Variants in PIEZO2 observed in about 807,000 individuals in gnomAD.
PIEZO2 encodes piezo type mechanosensitive ion channel component 2, also known as piezo-type mechanosensitive ion channel component 2.
A neutral mutation model predicts 337.3 loss-of-function variants in PIEZO2; 172 were observed. The observed-to-expected ratio is 0.51, with a 90% CI of 0.45 to 0.58. The LOEUF is 0.58. Among genes scored for constraint, PIEZO2 ranks in the 20% least tolerant of loss-of-function variants. The pLI is 0.00. For missense variants in PIEZO2, 3,028 were observed against 3,391.3 expected (o/e 0.89, Z 2.66); for synonymous variants, 1,251 against 1,228.5 (o/e 1.02, Z -0.38).
intron 1 of PIEZO2, among the ~76,000 whole-genome samples, chr18:11,139,482 G>A (rs949665296): frequency 2.6e-5 from 4 of 151,892 alleles, no homozygotes; most frequent in African/African-American, 4.8e-5. Context: ...ATATTATGAC[G>A]CCCTAATAAA....
intron 27 of PIEZO2, among the ~76,000 whole-genome samples, chr18:10,756,006 GAGAATGA>G (rs2037826829): frequency 1.1e-5 from 1 of 94,834 alleles, no homozygotes; most frequent in Non-Finnish European, 2.7e-5. Flanking sequence ...AGGAGGGATG[GAGAATGA>G]GGAGGAGGGA....
chr18:10,787,631 A>G (rs1426012732), intron 15 of PIEZO2, among the ~76,000 whole-genome samples: 2 of 152,244 alleles, frequency 1.3e-5, no homozygotes, highest in Non-Finnish European at 2.9e-5. Context: ...CAGAAAAAAG[A>G]CATCTCGTTT....
rs1015857498 is a variant in PIEZO2, at chr18:10,861,647, A to C, written c.493-4436T>G. On this transcript the variant is annotated intron_variant, in intron 5 of 55. Transcript: ENST00000674853. The surrounding 1 kb of genome is among the most constrained non-coding windows in gnomAD (Gnocchi z 4.3). ...AGGGCAGATGCTGATCAAGGGGTACAAAATTTCACTTAGACATGAAGAATG... is the reference window on the plus strand; with the variant it reads ...AGGGCAGATGCTGATCAAGGGGTACCAAATTTCACTTAGACATGAAGAATG... Among the ~76,000 whole-genome samples the C allele has an allele frequency of 6.6e-6, 1 of 152,250 alleles. No individual in the cohort carries two copies. Among genetic ancestry groups the C allele is most frequent in the Non-Finnish European group, 1.5e-5 (1 of 68,046 alleles).
chr18:10,799,150 C>T (rs553777207), intron 11 of PIEZO2, among the ~76,000 whole-genome samples: 36 of 152,240 alleles, frequency 2.4e-4, no homozygotes, highest in Admixed American at 1.0e-3. Context: ...AAGAGTTATG[C>T]GAAAAGGCCC....
At chr18:11,040,420 A>G (rs570396939) in intron 2 of PIEZO2, among the ~76,000 whole-genome samples, 1 of 152,338 alleles carries the variant, frequency 6.6e-6, no homozygotes, top group South Asian at 2.1e-4. Flanking sequence ...ATTGATCAGA[A>G]CATAATCAGG....
intron 1 of PIEZO2, among the ~76,000 whole-genome samples, chr18:11,141,770 A>G (rs1336736616): frequency 6.6e-6 from 1 of 152,100 alleles, no homozygotes; most frequent in Non-Finnish European, 1.5e-5. Flanking sequence ...TGGGGTGGAG[A>G]GTTCAGAGTT....
At chr18:10,890,491 G>T (rs141117047) in intron 4 of PIEZO2, 4 of 152,218 alleles carry the variant, frequency 2.6e-5, no homozygotes, top group African/African-American at 9.6e-5. Context: ...GTTCAGCATG[G>T]CTGGGGAGGC....
rs2039304518 is a variant in PIEZO2 at position 11,097,922 on chromosome 18, T to A, written c.65-31700A>T. ...TGTGAGGCTTTTATTTTTCACCTCATAGTCTTCCATACTATGATTTTGAAG... is the reference window on the plus strand; with the variant it reads ...TGTGAGGCTTTTATTTTTCACCTCAAAGTCTTCCATACTATGATTTTGAAG... On this transcript the variant is annotated intron_variant, in intron 1 of 55. Transcript: ENST00000674853. This position sits in a 1 kb window ranked among gnomAD's most constrained non-coding sequence, Gnocchi z 5.0. 6.6e-6 allele frequency among the ~76,000 whole-genome samples: 1 copy of A among 152,228 alleles called. No homozygotes were observed. The highest frequency in any genetic ancestry group is 1.5e-5 in the Non-Finnish European group (1 of 68,028).
rs570282218 is a variant in PIEZO2 at position 11,028,854 on chromosome 18, A to T, written c.160+37273T>A. Among the ~76,000 whole-genome samples the T allele has an allele frequency of 6.6e-6, 1 of 152,292 alleles. No homozygotes were observed. Among genetic ancestry groups the T allele is most frequent in the South Asian group, 2.1e-4 (1 of 4,822 alleles). On this transcript the variant is annotated intron_variant, in intron 2 of 55. Coordinates refer to ENST00000674853, the MANE Select transcript of PIEZO2 (RefSeq NM_001378183.1). This position sits in a 1 kb window ranked among gnomAD's most constrained non-coding sequence, Gnocchi z 4.8. ...ATACCTATTGACTCACTTCTTCAGC[A>T]AATATTCATCAATTGCCCTGTGCCA...
intron 30 of PIEZO2, among the ~76,000 whole-genome samples, chr18:10,747,196 ACT>A (rs1395235812): frequency 2.0e-5 from 3 of 152,208 alleles, no homozygotes; most frequent in African/African-American, 7.2e-5. Flanking sequence ...CATTGTGACA[ACT>A]TTGGGAAAAA....
intron 45 of PIEZO2, among the ~76,000 whole-genome samples, chr18:10,697,329 TG>T (rs1466484195): frequency 6.6e-6 from 1 of 152,142 alleles, no homozygotes; most frequent in Non-Finnish European, 1.5e-5. Context: ...TGTAGTGTGC[TG>T]GGTAACAGGT....
At chr18:10,842,432 G>A (rs2144613818) in intron 7 of PIEZO2, among the ~76,000 whole-genome samples, 1 of 152,218 alleles carries the variant, frequency 6.6e-6, no homozygotes, top group Non-Finnish European at 1.5e-5. Flanking sequence ...AGGGAAAGTG[G>A]GTGAGTTCTT....
Position 10,670,852 on chromosome 18 carries a change from C to G in PIEZO2, c.*675G>C, listed in dbSNP as rs1325455729. On this transcript the variant is annotated 3_prime_UTR_variant, in exon 56 of 56. Coordinates refer to ENST00000674853, the MANE Select transcript of PIEZO2 (RefSeq NM_001378183.1). The stretch of plus-strand genomic sequence containing the variant: ...GGTGTACACATCATTTGTTTTGCTC[C>G]TTTTTTTTTTTTTTCCTGAGAAGTC... 2.1e-5 allele frequency: 3 copies of G among 142,962 alleles called. No homozygotes were observed. The highest frequency in any genetic ancestry group is 1.4e-4 in the Admixed American group (2 of 14,200). The allele number at this position is 142,962 out of a possible 1,614,324, so 8.9% of individuals were successfully genotyped here.
Position 10,773,402 on chromosome 18 carries a change from G to C in PIEZO2, c.2785+10C>G. The stretch of plus-strand genomic sequence containing the variant: ...GTTCTCTGACCAGCTGCTGGTAGTG[G>C]GCTGATTACCTGATGTTTCTTCCTC... On this transcript the variant is annotated intron_variant, in intron 20 of 55. Transcript: ENST00000674853. This position sits in a 1 kb window ranked among gnomAD's most constrained non-coding sequence, Gnocchi z 5.3. 3 of 1,537,000 alleles carry C rather than the reference G, an allele frequency of 2.0e-6. No homozygotes were observed. Among genetic ancestry groups the C allele is most frequent in the Non-Finnish European group, 2.6e-6 (3 of 1,146,720 alleles).
At chr18:10,882,834 C>CTTTT (rs745618117) in intron 4 of PIEZO2, among the ~76,000 whole-genome samples, 1,682 of 109,574 alleles carry the variant, frequency 0.015, 104 homozygotes, top group East Asian at 0.02. Flanking sequence ...ACCACATTTT[C>CTTTT]TTTTTTTCTT....
intron 5 of PIEZO2, among the ~76,000 whole-genome samples, chr18:10,869,537 G>A (rs1052983383): frequency 6.6e-6 from 1 of 152,192 alleles, no homozygotes; most frequent in Non-Finnish European, 1.5e-5. Flanking sequence ...TCTGAAGAAT[G>A]TGAGTTACTG....
At chr18:10,722,164 A>AT (rs2036341380) in intron 36 of PIEZO2, among the ~76,000 whole-genome samples, 1 of 150,932 alleles carries the variant, frequency 6.6e-6, no homozygotes, top group Non-Finnish European at 1.5e-5. Context: ...AAAAAAAAAA[A>AT]AATTAAGATG....
chr18:10,700,460 T>C (rs1237074622), intron 43 of PIEZO2, among the ~76,000 whole-genome samples: 1 of 151,960 alleles, frequency 6.6e-6, no homozygotes. Flanking sequence ...TCAAATCTCA[T>C]ATACATTCAT....
chr18:11,035,321 C>CTCTCTCTCTCTCTT lies in PIEZO2; in HGVS notation c.160+30792_160+30805dup, dbSNP rs1195544110. ...GCACCTTCTCTCTCTCTCCCTCTCTCTCTCTCTCTCTCTTTCTCTCTCTCT... is the reference window on the plus strand; with the variant it reads ...GCACCTTCTCTCTCTCTCCCTCTCTCTCTCTCTCTCTCTTTCTCTCTCTCTCTTTCTCTCTCTCT... On this transcript the variant is annotated intron_variant, in intron 2 of 55. Coordinates refer to ENST00000674853, the MANE Select transcript of PIEZO2 (RefSeq NM_001378183.1). This position sits in a 1 kb window ranked among gnomAD's most constrained non-coding sequence, Gnocchi z 4.3. Among the ~76,000 whole-genome samples the CTCTCTCTCTCTCTT allele has an allele frequency of 6.6e-6, 1 of 150,468 alleles. No homozygotes were observed. Among genetic ancestry groups the CTCTCTCTCTCTCTT allele is most frequent in the African/African-American group, 2.5e-5 (1 of 40,482 alleles).
Sources: gnomAD v4.1 joint callset for allele counts (sites outside exome capture counted in the v4.1 genomes callset) on GRCh38, gnomAD v4.1.1 for gene constraint, Gnocchi (gnomAD v3.1) non-coding constraint, MANE v1.5 for transcripts, NCBI Gene and HGNC (gene_info 2026-07-23, HGNC 2026-07-21) for gene names.